The following SNAP47 variants were observed in gnomAD, a reference collection of about 807,000 sequenced individuals.
SNAP47 encodes synaptosome associated protein 47.
In SNAP47, 20 loss-of-function variants were observed where a neutral mutation model predicts 31.4. The observed-to-expected ratio is 0.64, with a 90% confidence interval of 0.45 to 0.93. The LOEUF (loss-of-function observed/expected upper bound fraction) is 0.93, where lower values mean the gene tolerates loss of function less well. Among genes scored for constraint, SNAP47 ranks in the 40% least tolerant of loss-of-function variants. The probability of loss-of-function intolerance (pLI) is 0.00; values close to 1 mark genes in which losing one functional copy is unlikely to be tolerated. For synonymous variants in SNAP47, 194 were observed against 213.4 expected (o/e 0.91, Z 0.79); for missense variants, 492 against 528.5 (o/e 0.93, Z 0.68).
At chr1:227,728,312 T>C (rs1660439618), upstream of SNAP47, among the ~76,000 whole-genome samples, 1 of 150,530 alleles carries the variant, frequency 6.6e-6, no homozygotes, top group East Asian at 2.0e-4. Flanking sequence ...CTGGGTTTCT[T>C]GGCTGGGGCT....
chr1:227,777,874 C>T (rs889786123), intron 4 of SNAP47, among the ~76,000 whole-genome samples: 3 of 152,194 alleles, frequency 2.0e-5, no homozygotes, highest in Non-Finnish European at 1.5e-5. Flanking sequence ...TGGTCTGGGT[C>T]ATGCCCCACA....
intron 3 of SNAP47, among the ~76,000 whole-genome samples, chr1:227,759,934 G>T (rs553327117): frequency 6.6e-6 from 1 of 152,194 alleles, no homozygotes; most frequent in African/African-American, 2.4e-5. Flanking sequence ...CCCAAGAGTG[G>T]GTTGTTAGGA....
chr1:227,757,854 CATGGCAGTTAGCTTAG>C (rs1422958801), intron 2 of SNAP47, among the ~76,000 whole-genome samples: 3 of 152,210 alleles, frequency 2.0e-5, no homozygotes, highest in African/African-American at 7.2e-5. Context: ...TAGGCTGGCC[CATGGCAGTTAGCTTAG>C]GTGCAGTGCC....
At position 227,780,764 on chromosome 1, in the gene SNAP47, G is replaced by C; in HGVS notation, c.*91G>C. ...AGTGCCAGGGCTGCAGAGGCCTGTG[G>C]CCCTCCGGAGTGGTCTTCCTCTGGA... On this transcript the variant is annotated 3_prime_UTR_variant, in exon 5 of 5. Coordinates refer to ENST00000617596, the MANE Select transcript of SNAP47 (RefSeq NM_053052.4). 6 of 1,548,402 alleles carry C rather than the reference G, an allele frequency of 3.9e-6. No individual in the cohort carries two copies. The highest frequency in any genetic ancestry group is 5.2e-6 in the Non-Finnish European group (6 of 1,143,394).
At chr1:227,733,509 G>A (rs757199014), upstream of SNAP47, 14 of 1,593,550 alleles carry the variant, frequency 8.8e-6, no homozygotes, top group South Asian at 3.4e-5. Context: ...AGCTGGTTCC[G>A]TGGGTGCAGG....
chr1:227,772,084 G>T (rs2102989898), intron 4 of SNAP47, among the ~76,000 whole-genome samples: 1 of 152,298 alleles, frequency 6.6e-6, no homozygotes, highest in Non-Finnish European at 1.5e-5. Flanking sequence ...CCTCCCAGTT[G>T]TCGCTTTAAT....
intron 3 of SNAP47, among the ~76,000 whole-genome samples, chr1:227,765,444 G>T (rs1332104166): frequency 6.6e-6 from 1 of 152,204 alleles, no homozygotes; most frequent in South Asian, 2.1e-4. Context: ...GTGCACTGTG[G>T]CTCAGTGTTT....
intron 1 of SNAP47, among the ~76,000 whole-genome samples, chr1:227,743,060 A>G (rs1661719299): frequency 6.6e-6 from 1 of 152,108 alleles, no homozygotes. Flanking sequence ...TAGGTTGACC[A>G]TGGTACTGAA....
chr1:227,750,155 A>T (rs1042722376), intron 2 of SNAP47, among the ~76,000 whole-genome samples: 1 of 152,246 alleles, frequency 6.6e-6, no homozygotes, highest in African/African-American at 2.4e-5. Context: ...CTTTGCTGGC[A>T]CAAGGCCGGA....
chr1:227,771,389 A>G (rs981464129), intron 4 of SNAP47, among the ~76,000 whole-genome samples: 1 of 152,086 alleles, frequency 6.6e-6, no homozygotes, highest in African/African-American at 2.4e-5. Flanking sequence ...CTAAATGCTG[A>G]TCCATAAGAA....
At chr1:227,743,142 G>GA (rs1431540114) in intron 1 of SNAP47, among the ~76,000 whole-genome samples, 2 of 151,970 alleles carry the variant, frequency 1.3e-5, no homozygotes, top group African/African-American at 4.9e-5. Context: ...CCCGGTTGCA[G>GA]AGGAAGGTGC....
intron 4 of SNAP47, chr1:227,775,746 G>A (rs1192531612): frequency 2.3e-6 from 3 of 1,297,270 alleles, no homozygotes; most frequent in Admixed American, 4.7e-5. Flanking sequence ...TAAACAAAAT[G>A]GAAATGGTGA....
intron 3 of SNAP47, among the ~76,000 whole-genome samples, chr1:227,766,254 C>T (rs730684): frequency 0.68 from 102,759 of 152,206 alleles, 36,340 homozygotes; most frequent in African/African-American, 0.9. Context: ...CTGCACCAGA[C>T]GTAGGGGAGC....
intron 1 of SNAP47, among the ~76,000 whole-genome samples, chr1:227,742,547 G>A (rs1409964160): frequency 6.6e-6 from 1 of 152,222 alleles, no homozygotes; most frequent in Non-Finnish European, 1.5e-5. Context: ...CTCCGGGGAG[G>A]TTGTGCATAA....
chr1:227,733,847 C>T, upstream of SNAP47: 3 of 1,605,026 alleles, frequency 1.9e-6, no homozygotes, highest in Non-Finnish European at 2.5e-6. Context: ...CACCCTGGGC[C>T]TCCCAGTCCG....
rs1222158077 is a variant in SNAP47 at position 227,771,303 on chromosome 1, C to T, written c.1113+4220C>T. Among the ~76,000 whole-genome samples, 7 of 152,292 alleles carry T rather than the reference C, an allele frequency of 4.6e-5. No homozygotes were observed. In the South Asian group the frequency reaches 8.3e-4, roughly 18 times the overall value. On this transcript the variant is annotated intron_variant, in intron 4 of 4. Coordinates refer to ENST00000617596, the MANE Select transcript of SNAP47 (RefSeq NM_053052.4). ...GTCAGATAGAAGCGCTGAGCTAAGC[C>T]GCCATGTTTGGGGATCTGTGCCTTT...
chr1:227,776,442 CAAGG>C, intron 4 of SNAP47: 1 of 986,050 alleles, frequency 1.0e-6, no homozygotes, highest in Non-Finnish European at 1.2e-6. Flanking sequence ...AGCAGGGACT[CAAGG>C]AAGTCTGATT....
At chr1:227,735,080 C>A, upstream of SNAP47, 2 of 1,571,120 alleles carry the variant, frequency 1.3e-6, no homozygotes, top group Non-Finnish European at 1.7e-6. Context: ...CCGGCTGCCC[C>A]AGCCCTGCGT....
chr1:227,768,739 C>G (rs1056345269), intron 4 of SNAP47, among the ~76,000 whole-genome samples: 11 of 152,196 alleles, frequency 7.2e-5, no homozygotes, highest in Non-Finnish European at 1.5e-4. Context: ...TGGCCTGGGT[C>G]TCGTTTGCTC....
Sources: allele counts gnomAD v4.1 joint callset (sites outside exome capture counted in the v4.1 genomes callset), GRCh38; gene constraint gnomAD v4.1.1; transcripts MANE v1.5; gene names NCBI Gene and HGNC (gene_info 2026-07-23, HGNC 2026-07-21).